ATL2: variants seen among roughly 807,000 people sequenced by gnomAD.
ATL2 encodes atlastin GTPase 2.
ATL2 carries 31 observed loss-of-function variants against 73.9 expected under a neutral mutation model. The observed-to-expected ratio is 0.42, with a 90% CI of 0.32 to 0.57. ATL2 has a LOEUF of 0.57. ATL2 is among the 20% of genes least tolerant of loss of function. The probability of loss-of-function intolerance (pLI) is 0.14; values close to 1 mark genes in which losing one functional copy is unlikely to be tolerated. For synonymous variants in ATL2, 291 were observed against 237.5 expected (o/e 1.23, Z -2.07); for missense variants, 738 against 702.6 (o/e 1.05, Z -0.57).
At position 38,295,957 on chromosome 2, in the gene ATL2, A is replaced by G; in HGVS notation, c.*37T>C. The G allele has an allele frequency of 6.8e-7, 1 of 1,472,166 alleles. No homozygotes were observed. Among genetic ancestry groups the G allele is most frequent in the South Asian group, 1.3e-5 (1 of 79,300 alleles). 91.2% of individuals were successfully genotyped at this position (1,472,166 alleles called of 1,614,324 possible). ...AGTTCTCATTGTACAGCAAGCATGA[A>G]AAAAAAAGAGAGTGGAGTCCGTGAG... is the stretch of plus-strand genomic sequence containing the variant. On this transcript the variant is annotated 3_prime_UTR_variant, in exon 13 of 13. Coordinates refer to ENST00000378954, the MANE Select transcript of ATL2 (RefSeq NM_001135673.4).
chr2:38,377,492 C>G (rs1284523768), upstream of ATL2, among the ~76,000 whole-genome samples: 1 of 151,476 alleles, frequency 6.6e-6, no homozygotes, highest in South Asian at 2.1e-4. Context: ...CCTGCAGATC[C>G]GTCTCCCCGG....
rs1217133353 is a variant in ATL2, at chr2:38,294,146, TC to T, written c.*1847del. On this transcript the variant is annotated 3_prime_UTR_variant, in exon 13 of 13. Transcript: ENST00000378954. Reference sequence around the variant, plus strand: ...TTAATACAGATGAAAACAAATACAATCCATATAAAAACAGAATCTGAATGGG... The same window carrying T: ...TTAATACAGATGAAAACAAATACAATCATATAAAAACAGAATCTGAATGGG... Among the ~76,000 whole-genome samples the T allele has an allele frequency of 6.6e-6, 1 of 152,126 alleles. No individual in the cohort carries two copies. The highest frequency in any genetic ancestry group is 6.5e-5 in the Admixed American group (1 of 15,274).
intron 2 of ATL2, among the ~76,000 whole-genome samples, chr2:38,331,363 G>A (rs566401497): frequency 1.3e-5 from 2 of 150,956 alleles, no homozygotes; most frequent in East Asian, 3.9e-4. Context: ...TTAAACCCGG[G>A]AGGCAGAAGT....
chr2:38,363,058 T>C (rs72789383), intron 1 of ATL2, among the ~76,000 whole-genome samples: 1,940 of 152,356 alleles, frequency 0.013, 15 homozygotes, highest in Non-Finnish European at 0.022. Flanking sequence ...ACTATGTGCC[T>C]ATTATCTCTT....
At position 38,294,277 on chromosome 2, in the gene ATL2, G is replaced by A. The variant is rs561583315; in HGVS notation, c.*1717C>T. 9.8e-5 allele frequency among the ~76,000 whole-genome samples: 15 copies of A among 152,304 alleles called. No homozygotes were observed. The South Asian group carries it at 1.0e-3, about 11-fold the overall frequency. ...AAAAAGCAAACTAAGGGCCGGGCGCGGTGGCTCACGCCTGTAATCCCAACA... is the reference window on the plus strand; with the variant it reads ...AAAAAGCAAACTAAGGGCCGGGCGCAGTGGCTCACGCCTGTAATCCCAACA... On this transcript the variant is annotated 3_prime_UTR_variant, in exon 13 of 13. Coordinates refer to ENST00000378954, the MANE Select transcript of ATL2 (RefSeq NM_001135673.4).
Position 38,300,255 on chromosome 2 carries a change from A to T in ATL2, c.1128+17T>A, listed in dbSNP as rs764381907. 10 of 1,512,532 alleles carry T rather than the reference A, an allele frequency of 6.6e-6. No homozygotes were observed. The African/African-American group carries it at 6.9e-5, about 10-fold the overall frequency. The allele number at this position is 1,512,532 out of a possible 1,614,324, so 93.7% of individuals were successfully genotyped here. A position where few individuals can be genotyped will look rare whatever the true frequency, so the allele number is the denominator to read the frequency against. ...AATAAGTATATGTACAACACATATC[A>T]CTCTCTCTCTCTCTACCTGAAGCAT... On this transcript the variant is annotated intron_variant, in intron 10 of 12. Coordinates refer to ENST00000378954, the MANE Select transcript of ATL2 (RefSeq NM_001135673.4).
At chr2:38,307,543 T>C (rs1259812527) in intron 9 of ATL2, among the ~76,000 whole-genome samples, 1 of 151,846 alleles carries the variant, frequency 6.6e-6, no homozygotes, top group Non-Finnish European at 1.5e-5. Context: ...TTCCAGGAAA[T>C]TGGTCTGGTC....
chr2:38,335,942 G>C (rs1024653656), intron 2 of ATL2, among the ~76,000 whole-genome samples: 1 of 152,148 alleles, frequency 6.6e-6, no homozygotes, highest in African/African-American at 2.4e-5. Flanking sequence ...CAGGAGAATG[G>C]TGTGAACGTG....
At chr2:38,324,699 G>A (rs1464078855) in intron 2 of ATL2, among the ~76,000 whole-genome samples, 4 of 152,210 alleles carry the variant, frequency 2.6e-5, no homozygotes, top group African/African-American at 9.7e-5. Flanking sequence ...ACATGCTGAA[G>A]AGGAATTTAA....
At chr2:38,335,681 A>G (rs1195592176) in intron 2 of ATL2, among the ~76,000 whole-genome samples, 1 of 152,094 alleles carries the variant, frequency 6.6e-6, no homozygotes, top group Non-Finnish European at 1.5e-5. Flanking sequence ...TAACATATAT[A>G]TATATAAAAA....
At chr2:38,356,219 T>C (rs1285720477) in intron 1 of ATL2, among the ~76,000 whole-genome samples, 1 of 151,958 alleles carries the variant, frequency 6.6e-6, no homozygotes, top group Admixed American at 6.6e-5. Context: ...TACTTTTCTT[T>C]CTTTTTTCTT....
At chr2:38,304,483 C>G (rs1019783070) in intron 9 of ATL2, among the ~76,000 whole-genome samples, 1 of 152,088 alleles carries the variant, frequency 6.6e-6, no homozygotes, top group African/African-American at 2.4e-5. Context: ...AGTAAACACA[C>G]AGAAAAACAG....
intron 8 of ATL2, among the ~76,000 whole-genome samples, 195 bp downstream of exon 8, chr2:38,310,114 C>T (rs1051745616): frequency 1.3e-5 from 2 of 152,160 alleles, no homozygotes; most frequent in African/African-American, 4.8e-5. Flanking sequence ...ATAGGTTAAT[C>T]AATATGCTAG....
At chr2:38,374,834 T>C (rs1227873884) in intron 1 of ATL2, among the ~76,000 whole-genome samples, 1 of 152,214 alleles carries the variant, frequency 6.6e-6, no homozygotes, top group East Asian at 1.9e-4. Flanking sequence ...TACTTGTGAA[T>C]ATTCCAAAAC....
At chr2:38,325,878 AG>A (rs747287442) in intron 2 of ATL2, among the ~76,000 whole-genome samples, 64 of 142,996 alleles carry the variant, frequency 4.5e-4, no homozygotes, top group Non-Finnish European at 7.7e-4. Flanking sequence ...CTTCCTGTCT[AG>A]TTTAAGGTTT....
At chr2:38,327,853 T>G (rs1050458563) in intron 2 of ATL2, among the ~76,000 whole-genome samples, 1 of 152,094 alleles carries the variant, frequency 6.6e-6, no homozygotes, top group Non-Finnish European at 1.5e-5. Flanking sequence ...GAAGAACCAT[T>G]TGAATCAGAG....
chr2:38,327,774 CA>C (rs1668751886), intron 2 of ATL2, among the ~76,000 whole-genome samples: 1 of 151,958 alleles, frequency 6.6e-6, no homozygotes, highest in Non-Finnish European at 1.5e-5. Flanking sequence ...CGTCTCTATT[CA>C]AAATACAAAA....
chr2:38,296,777 ATTACC>A, intron 12 of ATL2: 1 of 1,545,122 alleles, frequency 6.5e-7, no homozygotes, highest in African/African-American at 1.4e-5. Flanking sequence ...TGACTAGCTG[ATTACC>A]TTACCTAAAC....
intron 1 of ATL2, among the ~76,000 whole-genome samples, chr2:38,368,647 T>C (rs1262854633): frequency 6.6e-6 from 1 of 151,936 alleles, no homozygotes; most frequent in Non-Finnish European, 1.5e-5. Context: ...AAGAAAAACA[T>C]GAAAGAAACC....
Sources: allele counts gnomAD v4.1 joint callset (sites outside exome capture counted in the v4.1 genomes callset), GRCh38; gene constraint gnomAD v4.1.1; transcripts MANE v1.5; gene names NCBI Gene and HGNC (gene_info 2026-07-23, HGNC 2026-07-21).